The following BCKDHB variants were observed in gnomAD, a reference collection of about 807,000 sequenced individuals.
The protein encoded by BCKDHB is 2-oxoisovalerate dehydrogenase subunit beta, mitochondrial.
A neutral mutation model predicts 48.5 loss-of-function variants in BCKDHB; 41 were observed. The ratio of observed to expected loss-of-function variants is 0.85; its 90% CI spans 0.66 to 1.10. BCKDHB has a LOEUF of 1.10. Among genes scored for constraint, BCKDHB ranks in the 50% least tolerant of loss-of-function variants. BCKDHB has a pLI of 0.00. For missense variants in BCKDHB, 496 were observed against 494.2 expected (o/e 1.00, Z -0.03); for synonymous variants, 201 against 174.8 (o/e 1.15, Z -1.18).
the BCKDHB span, among the ~76,000 whole-genome samples, chr6:80,457,384 A>G: frequency 6.6e-6 from 1 of 152,120 alleles, no homozygotes; most frequent in African/African-American, 2.4e-5. Flanking sequence ...CCCTGCAGCT[A>G]TTGCTTGACT....
At chr6:80,181,395 A>T (rs2490244) in intron 6 of BCKDHB, among the ~76,000 whole-genome samples, 98,750 of 152,014 alleles carry the variant, frequency 0.65, 32,802 homozygotes, top group African/African-American at 0.78. Flanking sequence ...ACATACTCTG[A>T]CTGTCAGCCA....
At chr6:80,385,840 G>T in the BCKDHB span, among the ~76,000 whole-genome samples, 2 of 152,188 alleles carry the variant, frequency 1.3e-5, no homozygotes, top group Non-Finnish European at 2.9e-5. Context: ...GATATTAAGG[G>T]TATGGGATAA....
chr6:80,319,968 A>G (rs1488430392), intron 9 of BCKDHB, among the ~76,000 whole-genome samples: 1 of 152,130 alleles, frequency 6.6e-6, no homozygotes, highest in Non-Finnish European at 1.5e-5. Flanking sequence ...TACCTAATGT[A>G]AATACTGCTA....
At chr6:80,241,085 G>A (rs1480748110) in intron 8 of BCKDHB, among the ~76,000 whole-genome samples, 1 of 152,064 alleles carries the variant, frequency 6.6e-6, no homozygotes, top group East Asian at 1.9e-4. Flanking sequence ...CTCATGTCAT[G>A]GTTTTCATCT....
chr6:80,413,840 A>G, the BCKDHB span, among the ~76,000 whole-genome samples: 1 of 152,146 alleles, frequency 6.6e-6, no homozygotes, highest in Non-Finnish European at 1.5e-5. Flanking sequence ...TGGGTCATAT[A>G]GAATTTCTGT....
At chr6:80,412,746 G>T in the BCKDHB span, among the ~76,000 whole-genome samples, 1 of 152,136 alleles carries the variant, frequency 6.6e-6, no homozygotes, top group Non-Finnish European at 1.5e-5. Flanking sequence ...GTCTGGCAAA[G>T]TCTTTATTTC....
chr6:80,174,677 G>C (rs1773070338), intron 6 of BCKDHB, among the ~76,000 whole-genome samples: 1 of 152,080 alleles, frequency 6.6e-6, no homozygotes, highest in Non-Finnish European at 1.5e-5. Flanking sequence ...TGCCAAAGCT[G>C]GGCTTTTTCC....
intron 6 of BCKDHB, among the ~76,000 whole-genome samples, chr6:80,177,274 AT>A (rs1455450212): frequency 5.4e-5 from 8 of 148,798 alleles, no homozygotes; most frequent in African/African-American, 2.0e-4. Flanking sequence ...TGGGTTTCAT[AT>A]TAAAAAAAAG....
the BCKDHB span, among the ~76,000 whole-genome samples, chr6:80,404,798 T>G: frequency 6.6e-6 from 1 of 152,118 alleles, no homozygotes; most frequent in African/African-American, 2.4e-5. Flanking sequence ...ATTTTTTCTT[T>G]CACTGTTTGT....
the BCKDHB span, among the ~76,000 whole-genome samples, chr6:80,416,490 A>T: frequency 1.5e-3 from 228 of 152,130 alleles, no homozygotes; most frequent in Non-Finnish European, 2.5e-3. Context: ...CTTTGTTCTC[A>T]TTAGCTTCAA....
chr6:80,462,114 A>G, the BCKDHB span, among the ~76,000 whole-genome samples: 1 of 152,204 alleles, frequency 6.6e-6, no homozygotes, highest in South Asian at 2.1e-4. Flanking sequence ...CTTTAAGCAT[A>G]TACTGTAGCA....
chr6:80,215,386 CT>C (rs1775123679), intron 8 of BCKDHB, among the ~76,000 whole-genome samples: 3 of 152,274 alleles, frequency 2.0e-5, no homozygotes, highest in Non-Finnish European at 2.9e-5. Flanking sequence ...CTGTTGGATG[CT>C]ATATTGGGAT....
chr6:80,425,412 T>C, the BCKDHB span, among the ~76,000 whole-genome samples: 1 of 152,200 alleles, frequency 6.6e-6, no homozygotes, highest in Admixed American at 6.5e-5. Context: ...TGTAACAGCT[T>C]GGTTTTTTCA....
intron 3 of BCKDHB, among the ~76,000 whole-genome samples, chr6:80,165,329 A>G (rs1259819443): frequency 2.6e-5 from 4 of 152,184 alleles, no homozygotes; most frequent in African/African-American, 9.7e-5. Context: ...AGAGGTCACA[A>G]TTTCAGAAGA....
intron 9 of BCKDHB, among the ~76,000 whole-genome samples, chr6:80,337,735 A>G (rs970373387): frequency 6.6e-6 from 1 of 152,130 alleles, no homozygotes; most frequent in African/African-American, 2.4e-5. Context: ...TTGCAAAGTA[A>G]TTTAAATGTT....
intron 9 of BCKDHB, chr6:80,307,516 T>G (rs1356983692): frequency 2.0e-6 from 2 of 984,894 alleles, no homozygotes; most frequent in East Asian, 2.3e-4. Context: ...CTCTGTTAAA[T>G]TTTCAGTAAA....
At chr6:80,224,611 G>T (rs1461648404) in intron 8 of BCKDHB, among the ~76,000 whole-genome samples, 1 of 152,124 alleles carries the variant, frequency 6.6e-6, no homozygotes, top group Non-Finnish European at 1.5e-5. Flanking sequence ...GCCTAGGCTG[G>T]TCTTGAACTC....
At chr6:80,218,750 C>T (rs1299664056) in intron 8 of BCKDHB, among the ~76,000 whole-genome samples, 1 of 152,026 alleles carries the variant, frequency 6.6e-6, no homozygotes, top group Non-Finnish European at 1.5e-5. Context: ...CTGTTCTTTC[C>T]TCCCTTCCAA....
intron 3 of BCKDHB, among the ~76,000 whole-genome samples, chr6:80,164,293 A>G (rs200010661): frequency 9.2e-5 from 6 of 64,930 alleles, no homozygotes; most frequent in African/African-American, 1.9e-4. Flanking sequence ...CCTTCCTCTG[A>G]TATATTAAAC....
Sources: gnomAD v4.1 joint callset for allele counts (sites outside exome capture counted in the v4.1 genomes callset) on GRCh38, gnomAD v4.1.1 for gene constraint, MANE v1.5 for transcripts, NCBI Gene and HGNC (gene_info 2026-07-23, HGNC 2026-07-21) for gene names.